The following ZFHX3 variants were observed in gnomAD, a reference collection of about 807,000 sequenced individuals.
ZFHX3 encodes zinc finger homeobox 3.
Under a neutral mutation model 279.1 loss-of-function variants are expected in ZFHX3, and 42 were observed. The ratio of observed to expected loss-of-function variants is 0.15; its 90% CI spans 0.12 to 0.19. ZFHX3 has a LOEUF of 0.19. ZFHX3 is among the 10% of genes least tolerant of loss of function. The pLI is 1.00. For synonymous variants in ZFHX3, 2,293 were observed against 1,957.8 expected (o/e 1.17, Z -4.52); for missense variants, 4,981 against 4,754.0 (o/e 1.05, Z -1.40).
chr16:73,116,907 C>T (rs950638146), intron 7 of ZFHX3, among the ~76,000 whole-genome samples: 8 of 152,156 alleles, frequency 5.3e-5, no homozygotes, highest in African/African-American at 1.9e-4. Context: ...GGCTGTCTCC[C>T]GGCTTGTTCT....
chr16:73,872,820 TG>T (rs2029866483), intron 1 of ZFHX3, among the ~76,000 whole-genome samples: 1 of 1,948 alleles, frequency 5.1e-4, no homozygotes, highest in Non-Finnish European at 8.8e-4. Context: ...TGGGTGGTGG[TG>T]GGTGGTGGAT....
chr16:73,339,954 C>T (rs369416723), intron 3 of ZFHX3, among the ~76,000 whole-genome samples: 6 of 152,294 alleles, frequency 3.9e-5, no homozygotes, highest in African/African-American at 1.4e-4. Context: ...GTAAAGTTGG[C>T]AGTCAGGGCT....
At chr16:73,155,722 C>A (rs1227319030) in intron 5 of ZFHX3, among the ~76,000 whole-genome samples, 1 of 152,034 alleles carries the variant, frequency 6.6e-6, no homozygotes, top group Non-Finnish European at 1.5e-5. Flanking sequence ...ACTCGGGAGG[C>A]TGAGGCAGGA....
chr16:73,004,159 C>CTTTTTTTTTTTTTTTTTT lies in ZFHX3; in HGVS notation c.-50+43575_-50+43592dup, dbSNP rs3081625. ...CAATAATAACTACATAAAAACACGA[C>CTTTTTTTTTTTTTTTTTT]TTTTTTTTTTTTTTTTTTTTTTTTT... is the stretch of plus-strand genomic sequence containing the variant. On this transcript the variant is annotated intron_variant, in intron 1 of 9. Transcript: ENST00000268489. Among the ~76,000 whole-genome samples the CTTTTTTTTTTTTTTTTTT allele has an allele frequency of 2.0e-4, 10 of 49,372 alleles. 2 individuals carry two copies. In the East Asian group the frequency reaches 6.1e-3, roughly 30 times the overall value. 32.4% of individuals were successfully genotyped at this position (49,372 alleles called of 152,430 possible).
intron 7 of ZFHX3, among the ~76,000 whole-genome samples, chr16:73,130,004 G>C (rs189122190): frequency 3.5e-4 from 53 of 152,212 alleles, no homozygotes; most frequent in Middle Eastern, 6.8e-3. Flanking sequence ...TGACAATGAA[G>C]GCCAGAATTC....
At chr16:73,420,258 A>G (rs2017691380) in intron 3 of ZFHX3, 1 of 152,242 alleles carries the variant, frequency 6.6e-6, no homozygotes, top group African/African-American at 2.4e-5. Flanking sequence ...ATTTTATATA[A>G]GATTCTGTGT....
chr16:73,282,181 G>C (rs115899768), intron 4 of ZFHX3, among the ~76,000 whole-genome samples: 1 of 152,144 alleles, frequency 6.6e-6, no homozygotes, highest in Non-Finnish European at 1.5e-5. Flanking sequence ...CTTGTTCCCA[G>C]TCCTAAGTAG....
At chr16:73,240,478 C>G (rs989115029) in intron 5 of ZFHX3, among the ~76,000 whole-genome samples, 1 of 152,184 alleles carries the variant, frequency 6.6e-6, no homozygotes, top group Non-Finnish European at 1.5e-5. Context: ...CTCGGCCTCT[C>G]AAAGTCCTGG....
chr16:73,574,913 C>T (rs905866645), intron 2 of ZFHX3, among the ~76,000 whole-genome samples: 22 of 152,166 alleles, frequency 1.4e-4, no homozygotes, highest in Non-Finnish European at 2.2e-4. Context: ...CCCACAGCCC[C>T]CTGGAAGTCT....
intron 1 of ZFHX3, among the ~76,000 whole-genome samples, chr16:73,014,845 C>G (rs1453844239): frequency 1.3e-5 from 2 of 151,786 alleles, no homozygotes; most frequent in East Asian, 3.9e-4. Flanking sequence ...CAAGAGGAAA[C>G]TAGTATAGCC....
intron 2 of ZFHX3, among the ~76,000 whole-genome samples, chr16:73,667,466 A>G (rs2052855705): frequency 6.6e-6 from 1 of 152,180 alleles, no homozygotes; most frequent in Admixed American, 6.5e-5. Context: ...TGATACATAT[A>G]TGTTTCAGTT....
chr16:73,158,634 A>G, intron 5 of ZFHX3, among the ~76,000 whole-genome samples: 1 of 152,222 alleles, frequency 6.6e-6, no homozygotes, highest in East Asian at 1.9e-4. Flanking sequence ...ACTCATAAGC[A>G]AAAAGCACGA....
chr16:73,631,035 A>G (rs199611695), intron 2 of ZFHX3, among the ~76,000 whole-genome samples: 1,624 of 14,152 alleles, frequency 0.11, 40 homozygotes, highest in African/African-American at 0.19. Flanking sequence ...TTCCCTGAGA[A>G]TTTTCAACTT....
At chr16:73,482,160 T>C (rs531031334) in intron 2 of ZFHX3, among the ~76,000 whole-genome samples, 3 of 152,240 alleles carry the variant, frequency 2.0e-5, no homozygotes, top group South Asian at 2.1e-4. Flanking sequence ...GGAGTGGAGA[T>C]TGGTGCTGAG....
intron 4 of ZFHX3, among the ~76,000 whole-genome samples, chr16:72,840,970 C>T (rs1307383839): frequency 4.6e-5 from 7 of 152,224 alleles, no homozygotes; most frequent in Non-Finnish European, 1.5e-5. Flanking sequence ...TCTGCTCTCC[C>T]TTGGCCAGAC....
chr16:73,339,881 T>A (rs927100093), intron 3 of ZFHX3, among the ~76,000 whole-genome samples: 1 of 152,168 alleles, frequency 6.6e-6, no homozygotes, highest in Non-Finnish European at 1.5e-5. Context: ...CTGACGATGA[T>A]GACAAAAACG....
chr16:73,594,846 A>C (rs148716310), intron 2 of ZFHX3, among the ~76,000 whole-genome samples: 263 of 152,310 alleles, frequency 1.7e-3, no homozygotes, highest in Non-Finnish European at 3.3e-3. Flanking sequence ...TAAGGTTTTC[A>C]TGTTTTTCTT....
chr16:72,800,272 C>G, intron 7 of ZFHX3, 143 bp from the exon 8 acceptor site: 1 of 660,208 alleles, frequency 1.5e-6, no homozygotes, highest in Non-Finnish European at 2.6e-6. Context: ...ACTGAAGATT[C>G]ATGTTTATTA....
At chr16:73,043,743 T>TGTCCTCA (rs1965198615) in intron 1 of ZFHX3, among the ~76,000 whole-genome samples, 1 of 152,212 alleles carries the variant, frequency 6.6e-6, no homozygotes, top group Non-Finnish European at 1.5e-5. Flanking sequence ...TCTGCACCTC[T>TGTCCTCA]GTCCTCAGTT....
Sources: gnomAD v4.1 joint callset for allele counts (sites outside exome capture counted in the v4.1 genomes callset) on GRCh38, gnomAD v4.1.1 for gene constraint, MANE v1.5 for transcripts, NCBI Gene and HGNC (gene_info 2026-07-23, HGNC 2026-07-21) for gene names.